Variants in MTUS2 observed in about 807,000 individuals in gnomAD.
MTUS2 encodes microtubule-associated tumor suppressor candidate 2.
MTUS2 carries 40 observed loss-of-function variants against 114.1 expected under a neutral mutation model. That is an observed-to-expected ratio of 0.35 (90% CI 0.27 to 0.46). The LOEUF is 0.46. Among genes scored for constraint, MTUS2 ranks in the 20% least tolerant of loss-of-function variants. The pLI is 1.00. For missense variants in MTUS2, 1,679 were observed against 1,705.4 expected (o/e 0.98, Z 0.27); for synonymous variants, 688 against 672.0 (o/e 1.02, Z -0.37).
intron 2 of MTUS2, among the ~76,000 whole-genome samples, chr13:29,015,912 T>C (rs1886045514): frequency 6.6e-6 from 1 of 152,148 alleles, no homozygotes; most frequent in Admixed American, 6.5e-5. Context: ...TTCGTTCTTC[T>C]TCTTTTTTTT....
At chr13:29,376,708 C>G (rs1458338839) in intron 8 of MTUS2, among the ~76,000 whole-genome samples, 2 of 152,124 alleles carry the variant, frequency 1.3e-5, no homozygotes, top group African/African-American at 4.8e-5. Flanking sequence ...TTTCTCACAA[C>G]AGCAGAGTTT....
chr13:29,441,287 A>G (rs931485690), intron 9 of MTUS2, among the ~76,000 whole-genome samples: 1 of 152,260 alleles, frequency 6.6e-6, no homozygotes, highest in African/African-American at 2.4e-5. Context: ...AACCCTGGAA[A>G]GCTGAGGTCC....
chr13:29,343,463 G>A (rs1334289902), intron 7 of MTUS2, among the ~76,000 whole-genome samples: 3 of 151,884 alleles, frequency 2.0e-5, no homozygotes, highest in Admixed American at 6.6e-5. Flanking sequence ...TAGTAGCCTG[G>A]AATGATCTTT....
chr13:29,217,362 G>A (rs1057368924), intron 5 of MTUS2, among the ~76,000 whole-genome samples: 1 of 152,144 alleles, frequency 6.6e-6, no homozygotes, highest in African/African-American at 2.4e-5. Context: ...TGGAGATACT[G>A]CAGATTCTGT....
intron 4 of MTUS2, among the ~76,000 whole-genome samples, chr13:29,093,507 C>T (rs1172106503): frequency 6.6e-6 from 1 of 152,046 alleles, no homozygotes; most frequent in African/African-American, 2.4e-5. Context: ...TATTTTATTC[C>T]TTTTGGTCTA....
chr13:29,231,946 G>T (rs1369390105), intron 5 of MTUS2, among the ~76,000 whole-genome samples: 1 of 151,898 alleles, frequency 6.6e-6, no homozygotes, highest in Non-Finnish European at 1.5e-5. Flanking sequence ...TCTTTATTTT[G>T]TTGCTTTAAT....
At chr13:29,420,433 G>A (rs562031789) in intron 8 of MTUS2, among the ~76,000 whole-genome samples, 7 of 151,746 alleles carry the variant, frequency 4.6e-5, no homozygotes, top group African/African-American at 1.2e-4. Flanking sequence ...CCCCGCTGCC[G>A]CGCCCAGCTA....
At chr13:29,002,983 A>C (rs1412858727) in intron 2 of MTUS2, among the ~76,000 whole-genome samples, 1 of 152,206 alleles carries the variant, frequency 6.6e-6, no homozygotes, top group Non-Finnish European at 1.5e-5. Context: ...ATTAGACTCC[A>C]ATTGCGCACC....
chr13:29,371,976 G>GCGC lies in MTUS2; in HGVS notation c.3117+12504_3117+12505insGCC, dbSNP rs1555270431. 2.0e-3 allele frequency among the ~76,000 whole-genome samples: 48 copies of GCGC among 23,956 alleles called. 4 individuals are homozygous for GCGC. The highest frequency in any genetic ancestry group is 3.2e-3 in the Non-Finnish European group (37 of 11,564). 15.7% of individuals were successfully genotyped at this position (23,956 alleles called of 152,430 possible). A position where few individuals can be genotyped will look rare whatever the true frequency, so the allele number is the denominator to read the frequency against. ...TAGATCTTAAGTGTCCTCAACCCCC[G>GCGC]CCCCCCCCCCCACACACACACACAA... On this transcript the variant is annotated intron_variant, in intron 8 of 15. Coordinates refer to ENST00000612955, the MANE Select transcript of MTUS2 (RefSeq NM_001033602.4).
rs182778062 is a variant in MTUS2 at position 29,358,711 on chromosome 13, A to G, written c.2906-551A>G. 2.6e-5 allele frequency among the ~76,000 whole-genome samples: 4 copies of G among 152,294 alleles called. No individual in the cohort carries two copies. The East Asian group carries it at 7.7e-4, about 29-fold the overall frequency. On this transcript the variant is annotated intron_variant, in intron 7 of 15. Transcript: ENST00000612955. ...AGGGATGTGTTGCAGGAGACCTCAC[A>G]ATACATTGGTGCTATAGGAATTTAA...
At chr13:29,451,575 G>T (rs1409347565) in intron 9 of MTUS2, among the ~76,000 whole-genome samples, 1 of 151,372 alleles carries the variant, frequency 6.6e-6, no homozygotes, top group Non-Finnish European at 1.5e-5. Flanking sequence ...AGTAGGTTTC[G>T]TGTACTGTCC....
In MTUS2 at chr13:29,410,127, C is replaced by CTT. The variant is rs35822838; in HGVS notation, c.3118-29843_3118-29842dup. Among the ~76,000 whole-genome samples the CTT allele has an allele frequency of 3.4e-5, 5 of 146,640 alleles. No individual in the cohort carries two copies. The East Asian group carries it at 6.0e-4, about 17-fold the overall frequency. On this transcript the variant is annotated intron_variant, in intron 8 of 15. Transcript: ENST00000612955. ...CTTGCCCATCGAATATGCTGTTGTA[C>CTT]TTTTTTTTTTTTTTGAGACAGAATT...
chr13:29,294,043 CA>C (rs1462101430), intron 6 of MTUS2, among the ~76,000 whole-genome samples: 10 of 151,914 alleles, frequency 6.6e-5, no homozygotes, highest in African/African-American at 2.4e-4. Context: ...AGACATGTTT[CA>C]ATTCTTGCTA....
intron 2 of MTUS2, among the ~76,000 whole-genome samples, chr13:28,999,832 C>A (rs1346002818): frequency 2.0e-5 from 3 of 152,150 alleles, no homozygotes; most frequent in Non-Finnish European, 4.4e-5. Context: ...GCTATGAGAC[C>A]AACTTTTTTA....
chr13:29,302,206 G>A (rs977893839), intron 6 of MTUS2, among the ~76,000 whole-genome samples: 2 of 152,176 alleles, frequency 1.3e-5, no homozygotes, highest in Non-Finnish European at 2.9e-5. Flanking sequence ...ACAAACCAGA[G>A]AATGAAGAAA....
intron 4 of MTUS2, among the ~76,000 whole-genome samples, chr13:29,087,809 G>A (rs549656197): frequency 1.3e-5 from 2 of 151,992 alleles, no homozygotes; most frequent in Admixed American, 6.6e-5. Flanking sequence ...CTGTAATCCC[G>A]GCACTCTGGT....
At chr13:29,495,850 G>A (rs550467792) in intron 12 of MTUS2, among the ~76,000 whole-genome samples, 1 of 152,092 alleles carries the variant, frequency 6.6e-6, no homozygotes, top group Non-Finnish European at 1.5e-5. Context: ...TAGCCTGGGC[G>A]ACAGAGTGAG....
chr13:29,401,846 T>G (rs953160034), intron 8 of MTUS2, among the ~76,000 whole-genome samples: 92 of 152,204 alleles, frequency 6.0e-4, no homozygotes, highest in African/African-American at 2.1e-3. Context: ...CTCCTCCAGT[T>G]GAAGTGTGAA....
intron 4 of MTUS2, among the ~76,000 whole-genome samples, chr13:29,074,810 G>A (rs1038768405): frequency 8.5e-5 from 13 of 152,124 alleles, no homozygotes; most frequent in Admixed American, 1.3e-4. Context: ...CTCTCTCAGT[G>A]TCTGTCTCTG....
Sources: allele counts gnomAD v4.1 joint callset (sites outside exome capture counted in the v4.1 genomes callset), GRCh38; gene constraint gnomAD v4.1.1; transcripts MANE v1.5; gene names NCBI Gene and HGNC (gene_info 2026-07-23, HGNC 2026-07-21).